Variants in CLDN16 observed in about 807,000 individuals in gnomAD.
CLDN16 encodes the protein claudin 16.
A neutral mutation model predicts 24.6 loss-of-function variants in CLDN16; 13 were observed. The ratio of observed to expected loss-of-function variants is 0.53; its 90% CI spans 0.34 to 0.84. The LOEUF is 0.84. CLDN16 is among the 40% of genes least tolerant of loss of function. The pLI, the probability that CLDN16 is intolerant of heterozygous loss-of-function variation, is 0.01. For missense variants in CLDN16, 298 were observed against 292.7 expected, an observed-to-expected ratio of 1.02 and a Z score of -0.13; for synonymous variants, 116 against 106.7, an observed-to-expected ratio of 1.09 and a Z score of -0.54.
chr3:190,304,453 G>C, the CLDN16 span, among the ~76,000 whole-genome samples: 2 of 152,116 alleles, frequency 1.3e-5, no homozygotes, highest in Admixed American at 1.3e-4. Flanking sequence ...TTCATATCTA[G>C]TTTTCAATTG....
intron 1 of CLDN16, among the ~76,000 whole-genome samples, chr3:190,393,747 C>T (rs1577424521): frequency 6.9e-5 from 8 of 115,230 alleles, no homozygotes; most frequent in African/African-American, 1.7e-4. Context: ...TGTCATTTGC[C>T]TTTTTTTTTT....
intron 3 of CLDN16, among the ~76,000 whole-genome samples, chr3:190,405,917 G>A (rs1017924034): frequency 6.6e-6 from 1 of 152,106 alleles, no homozygotes; most frequent in Non-Finnish European, 1.5e-5. Flanking sequence ...GCAACATAAT[G>A]TCTTCTTCTT....
At chr3:190,310,152 C>T in the CLDN16 span, 37 of 1,601,338 alleles carry the variant, frequency 2.3e-5, no homozygotes, top group Middle Eastern at 3.3e-4. Context: ...AACTATTTTA[C>T]GCCTGAATAG....
the CLDN16 span, chr3:190,308,239 G>A: frequency 1.4e-5 from 23 of 1,609,832 alleles, no homozygotes; most frequent in East Asian, 2.2e-5. Context: ...GTCCATTTTC[G>A]GTTTGTTTCA....
chr3:190,385,168 G>C (rs1398155207), upstream of CLDN16, among the ~76,000 whole-genome samples: 1 of 152,122 alleles, frequency 6.6e-6, no homozygotes, highest in Non-Finnish European at 1.5e-5. Flanking sequence ...GTGCTGGATG[G>C]AATGGAATTA....
chr3:190,328,569 T>C (rs544816720), intron 1 of CLDN16, among the ~76,000 whole-genome samples: 2 of 152,102 alleles, frequency 1.3e-5, no homozygotes, highest in African/African-American at 2.4e-5. Flanking sequence ...TGGGTAAGTA[T>C]TCCATTAGCA....
rs894886761 is a variant in CLDN16, at chr3:190,411,952, A to G, written c.*1916A>G. The G allele has an allele frequency of 4.6e-5, 7 of 152,086 alleles. No individual in the cohort carries two copies. The highest frequency in any genetic ancestry group is 2.0e-4 in the Admixed American group (3 of 15,270). 9.4% of individuals were successfully genotyped at this position (152,086 alleles called of 1,614,324 possible). On this transcript the variant is annotated 3_prime_UTR_variant, in exon 5 of 5. Coordinates refer to ENST00000264734, the MANE Select transcript of CLDN16 (RefSeq NM_006580.4). The stretch of plus-strand genomic sequence containing the variant: ...TGTCTGTCATGCTTTATGTATTCCA[A>G]TAAGTGTCTTGAAATCCTTGTGGGG...
chr3:190,351,638 T>C (rs1232443047), intron 1 of CLDN16, among the ~76,000 whole-genome samples: 1 of 152,218 alleles, frequency 6.6e-6, no homozygotes, highest in Non-Finnish European at 1.5e-5. Context: ...TTAAGGTTTT[T>C]ATTTTTTTAA....
chr3:190,383,652 G>A (rs555763616), upstream of CLDN16, among the ~76,000 whole-genome samples: 2 of 152,116 alleles, frequency 1.3e-5, no homozygotes, highest in Admixed American at 1.3e-4. Context: ...TTATTCAAGG[G>A]TCAGGGGAAG....
rs1446043844 is a variant in CLDN16, at chr3:190,364,000, T to C, written n.122-6893T>C. ...GAATTCTGCCTGCCTAATTGGAGAT[T>C]GTCTTCTCACTACTATCTTTTAGTG... On this transcript the variant is annotated intron_variant and non_coding_transcript_variant, in intron 1 of 4. Transcript: ENST00000468220. Among the ~76,000 whole-genome samples, 4 of 151,996 alleles carry C rather than the reference T, an allele frequency of 2.6e-5. No individual in the cohort carries two copies. In the East Asian group the frequency reaches 7.8e-4, roughly 30 times the overall value.
chr3:190,314,580 T>C, the CLDN16 span, among the ~76,000 whole-genome samples: 1 of 150,042 alleles, frequency 6.7e-6, no homozygotes, highest in Non-Finnish European at 1.5e-5. Context: ...TTTTTTTTGG[T>C]ATTTAGTAGA....
At chr3:190,334,706 G>A (rs1195823406) in intron 1 of CLDN16, among the ~76,000 whole-genome samples, 5 of 152,334 alleles carry the variant, frequency 3.3e-5, no homozygotes, top group Non-Finnish European at 7.4e-5. Context: ...TGTTAGGAGG[G>A]TAACCCATCT....
chr3:190,395,467 G>C (rs1221496933), intron 1 of CLDN16, among the ~76,000 whole-genome samples: 2 of 152,100 alleles, frequency 1.3e-5, no homozygotes, highest in Non-Finnish European at 2.9e-5. Flanking sequence ...AATATAAAAT[G>C]TAAAGGTAAA....
intron 1 of CLDN16, among the ~76,000 whole-genome samples, chr3:190,400,245 CTGTT>C (rs1450219902): frequency 6.6e-6 from 1 of 150,800 alleles, no homozygotes; most frequent in Non-Finnish European, 1.5e-5. Context: ...GTTTTTTTTT[CTGTT>C]TGTTTGTTTA....
At chr3:190,297,594 T>A in the CLDN16 span, among the ~76,000 whole-genome samples, 2 of 140,454 alleles carry the variant, frequency 1.4e-5, no homozygotes, top group Non-Finnish European at 3.1e-5. Flanking sequence ...TATATATCTA[T>A]ATAATATATA....
chr3:190,324,496 A>G (rs1717016134), intron 1 of CLDN16, among the ~76,000 whole-genome samples: 1 of 152,196 alleles, frequency 6.6e-6, no homozygotes, highest in Non-Finnish European at 1.5e-5. Flanking sequence ...AAATAAATAA[A>G]TAAATAAATA....
At chr3:190,354,523 G>A (rs1208509256) in intron 1 of CLDN16, among the ~76,000 whole-genome samples, 2 of 152,004 alleles carry the variant, frequency 1.3e-5, no homozygotes, top group Admixed American at 1.3e-4. Flanking sequence ...CAAGACTGGT[G>A]AACCAATCAT....
At chr3:190,300,039 G>C in the CLDN16 span, among the ~76,000 whole-genome samples, 7 of 152,270 alleles carry the variant, frequency 4.6e-5, no homozygotes, top group African/African-American at 1.7e-4. Flanking sequence ...TACCTACCTT[G>C]GGACAACTTG....
chr3:190,350,771 A>G (rs1717655506), intron 1 of CLDN16, among the ~76,000 whole-genome samples: 1 of 152,186 alleles, frequency 6.6e-6, no homozygotes, highest in African/African-American at 2.4e-5. Context: ...TAGAGGAAAT[A>G]CTAGGCTGAC....
Sources: gnomAD v4.1 joint callset for allele counts (sites outside exome capture counted in the v4.1 genomes callset) on GRCh38, gnomAD v4.1.1 for gene constraint, MANE v1.5 for transcripts, NCBI Gene and HGNC (gene_info 2026-07-23, HGNC 2026-07-21) for gene names.